The following POLA1 variants were observed in gnomAD, a reference collection of about 807,000 sequenced individuals.
The protein encoded by POLA1 is DNA polymerase alpha catalytic subunit.
In POLA1, 15 loss-of-function variants were observed where a neutral mutation model predicts 124.0. The ratio of observed to expected loss-of-function variants is 0.12; its 90% CI spans 0.08 to 0.19. The LOEUF (loss-of-function observed/expected upper bound fraction) is 0.19, where lower values mean the gene tolerates loss of function less well. POLA1 is among the 10% of genes least tolerant of loss of function. The pLI is 1.00. For missense variants in POLA1, 886 were observed against 1,103.4 expected, an observed-to-expected ratio of 0.80 and a Z score of 2.79; for synonymous variants, 408 against 389.4, an observed-to-expected ratio of 1.05 and a Z score of -0.56.
At chrX:24,932,733 A>G (rs1216674050) in intron 36 of POLA1, among the ~76,000 whole-genome samples, 1 of 112,036 alleles carries the variant, frequency 8.9e-6, no homozygotes, top group Non-Finnish European at 1.9e-5. Context: ...AAATGTTCCA[A>G]GAGCCCTTTT....
At chrX:24,769,836 G>A (rs752511294) in intron 26 of POLA1, among the ~76,000 whole-genome samples, 11 of 112,119 alleles carry the variant, frequency 9.8e-5, no homozygotes, top group East Asian at 2.8e-4. Context: ...TGCTATCCAC[G>A]TACAGTACTT....
chrX:24,776,255 A>C (rs2045137368), intron 26 of POLA1, among the ~76,000 whole-genome samples: 1 of 112,365 alleles, frequency 8.9e-6, no homozygotes, highest in Admixed American at 9.4e-5. Context: ...TGGAAGACTC[A>C]TGCTGATAAT....
intron 26 of POLA1, among the ~76,000 whole-genome samples, chrX:24,796,067 CCTCT>C (rs1316294043): frequency 1.8e-5 from 2 of 110,966 alleles, no homozygotes; most frequent in Non-Finnish European, 1.9e-5. Flanking sequence ...ACTACCCCCA[CCTCT>C]CTCCTCCTCT....
intron 35 of POLA1, among the ~76,000 whole-genome samples, chrX:24,892,288 G>A (rs1316851694): frequency 1.8e-5 from 2 of 110,958 alleles, no homozygotes; most frequent in Non-Finnish European, 1.9e-5. Context: ...AAATTTTGAT[G>A]CATGTTTAAG....
At chrX:24,793,585 TTTTTG>T (rs992536299) in intron 26 of POLA1, among the ~76,000 whole-genome samples, 1 of 110,778 alleles carries the variant, frequency 9.0e-6, no homozygotes, top group Non-Finnish European at 1.9e-5. Flanking sequence ...GAGTCTCTTT[TTTTTG>T]TTTTGTTTTT....
intron 36 of POLA1, among the ~76,000 whole-genome samples, chrX:24,975,285 C>T (rs1366995378): frequency 8.9e-6 from 1 of 112,681 alleles, no homozygotes; most frequent in African/African-American, 3.2e-5. Context: ...GCTGGGATTA[C>T]AGGCGTGGGC....
intron 34 of POLA1, among the ~76,000 whole-genome samples, chrX:24,870,137 A>T (rs1424633660): frequency 8.9e-6 from 1 of 111,892 alleles, no homozygotes; most frequent in Non-Finnish European, 1.9e-5. Flanking sequence ...TGGACATGTG[A>T]ATAGCTATAT....
At chrX:24,834,018 G>GAGGCTGCAGTGAGCTAGGTCA (rs1295157888) in intron 32 of POLA1, among the ~76,000 whole-genome samples, 1 of 108,539 alleles carries the variant, frequency 9.2e-6, no homozygotes, top group Non-Finnish European at 1.9e-5. Context: ...CAGGGAGGTC[G>GAGGCTGCAGTGAGCTAGGTCA]AGGCTGCAGT....
Position 24,985,787 on chromosome X carries a change from A to G in POLA1, c.4262-10018A>G, listed in dbSNP as rs772576616. Among the ~76,000 whole-genome samples, 5 of 112,042 alleles carry G rather than the reference A, an allele frequency of 4.5e-5. No individual in the cohort carries two copies. The South Asian group carries it at 1.5e-3, about 34-fold the overall frequency. Reference sequence around the variant, plus strand: ...ATCCAAAACACTTCTGGTCCCAAGCATTTCAGATAAGGGATATTCAATCAG... The same window carrying G: ...ATCCAAAACACTTCTGGTCCCAAGCGTTTCAGATAAGGGATATTCAATCAG... On this transcript the variant is annotated intron_variant, in intron 36 of 36. Transcript: ENST00000379068.
At chrX:24,791,256 G>T (rs1401048051) in intron 26 of POLA1, among the ~76,000 whole-genome samples, 2 of 111,445 alleles carry the variant, frequency 1.8e-5, no homozygotes, top group Non-Finnish European at 3.8e-5. Flanking sequence ...AAACTTGGGG[G>T]TATCCTAGAT....
At chrX:24,751,850 T>C (rs1932339096) in intron 26 of POLA1, among the ~76,000 whole-genome samples, 1 of 111,677 alleles carries the variant, frequency 9.0e-6, no homozygotes, top group Non-Finnish European at 1.9e-5. Flanking sequence ...TTGTAACTTA[T>C]TAAACTAGTA....
At chrX:24,968,502 A>G (rs1457010607) in intron 36 of POLA1, among the ~76,000 whole-genome samples, 1 of 110,788 alleles carries the variant, frequency 9.0e-6, no homozygotes, top group Non-Finnish European at 1.9e-5. Flanking sequence ...GATTGAGACC[A>G]TCCTGGCTAA....
chrX:24,930,202 G>C (rs1461544961), intron 35 of POLA1, among the ~76,000 whole-genome samples: 1 of 112,256 alleles, frequency 8.9e-6, no homozygotes. Flanking sequence ...GACAGCAGGG[G>C]TAATCAGTCT....
At chrX:24,844,171 T>C (rs759345552) in intron 34 of POLA1, among the ~76,000 whole-genome samples, 1 of 111,755 alleles carries the variant, frequency 8.9e-6, no homozygotes, top group African/African-American at 3.2e-5. Flanking sequence ...AAATCAAATA[T>C]CTTTTAAATT....
chrX:24,969,676 G>C (rs896611058), intron 36 of POLA1, among the ~76,000 whole-genome samples: 1 of 110,817 alleles, frequency 9.0e-6, no homozygotes, highest in African/African-American at 3.3e-5. Context: ...TAAGTTCAGG[G>C]GTGTATGTAC....
chrX:24,994,534 C>T (rs1258449706), intron 36 of POLA1, among the ~76,000 whole-genome samples: 2 of 112,127 alleles, frequency 1.8e-5, no homozygotes, highest in African/African-American at 3.2e-5. Flanking sequence ...CTTATGGGGG[C>T]GGAGGCCTCA....
chrX:24,733,330 G>A (rs1383491964), intron 16 of POLA1, among the ~76,000 whole-genome samples: 1 of 112,170 alleles, frequency 8.9e-6, no homozygotes, highest in Admixed American at 9.5e-5. Flanking sequence ...CTCTATGTAC[G>A]TCACTATGTG....
At chrX:24,955,814 G>T (rs1010590501) in intron 36 of POLA1, among the ~76,000 whole-genome samples, 2 of 111,837 alleles carry the variant, frequency 1.8e-5, no homozygotes, top group Non-Finnish European at 3.8e-5. Flanking sequence ...GTTCAGAGAT[G>T]TGTAGATTTG....
chrX:24,847,468 G>A (rs769484728), intron 34 of POLA1, among the ~76,000 whole-genome samples: 2 of 111,681 alleles, frequency 1.8e-5, no homozygotes, highest in African/African-American at 3.3e-5. Flanking sequence ...CTAGCCACTT[G>A]TACATTATAT....
Sources: gnomAD v4.1 joint callset for allele counts (sites outside exome capture counted in the v4.1 genomes callset) on GRCh38, gnomAD v4.1.1 for gene constraint, MANE v1.5 for transcripts, NCBI Gene and HGNC (gene_info 2026-07-23, HGNC 2026-07-21) for gene names.